SYNJ1: variants seen among roughly 807,000 people sequenced by gnomAD.
SYNJ1 encodes the protein synaptojanin 1.
In SYNJ1, 78 loss-of-function variants were observed where a neutral mutation model predicts 168.2. The ratio of observed to expected loss-of-function variants is 0.46; its 90% confidence interval spans 0.39 to 0.56. SYNJ1 has a LOEUF of 0.56. SYNJ1 is among the 20% of genes least tolerant of loss of function. The probability of loss-of-function intolerance (pLI) is 0.00; values close to 1 mark genes in which losing one functional copy is unlikely to be tolerated. For synonymous variants in SYNJ1, 539 were observed against 548.6 expected (o/e 0.98, Z 0.24); for missense variants, 1,303 against 1,597.6 (o/e 0.82, Z 3.14).
chr21:32,656,623 T>G, intron 21 of SYNJ1, 64 bp downstream of exon 21: 4 of 1,385,864 alleles, frequency 2.9e-6, no homozygotes, highest in Non-Finnish European at 2.9e-6. Flanking sequence ...CCAAATAAGG[T>G]GATTTCTATA....
At chr21:32,728,380 G>C (rs973411174), upstream of SYNJ1, 1 of 247,544 alleles carries the variant, frequency 4.0e-6, no homozygotes, top group Non-Finnish European at 7.9e-6. Flanking sequence ...CGCCCCCACG[G>C]GCCTGACGGG....
intron 2 of SYNJ1, among the ~76,000 whole-genome samples, chr21:32,724,694 C>T (rs754630757): frequency 1.3e-5 from 2 of 152,172 alleles, no homozygotes; most frequent in African/African-American, 4.8e-5. Flanking sequence ...CAGCACAATA[C>T]AAACCTTGGT....
chr21:32,695,369 T>A, intron 4 of SYNJ1, 87 bp from the exon 5 acceptor site: 1 of 1,218,082 alleles, frequency 8.2e-7, no homozygotes, highest in Non-Finnish European at 1.1e-6. Flanking sequence ...AAAATTAATT[T>A]AATATTATTA....
intron 17 of SYNJ1, 102 bp downstream of exon 17, chr21:32,665,841 C>T: frequency 1.7e-6 from 2 of 1,183,364 alleles, no homozygotes; most frequent in South Asian, 3.3e-5. Context: ...CTTAATGTTT[C>T]TAGGAACTAT....
rs753032623 is a variant in SYNJ1 at position 32,646,459 on chromosome 21, C to A, written c.3181G>T (p.Val1061Leu). 2 of 1,614,160 alleles carry A rather than the reference C, an allele frequency of 1.2e-6. No individual in the cohort carries two copies. The highest frequency in any genetic ancestry group is 1.7e-6 in the Non-Finnish European group (2 of 1,180,026). Reference protein sequence around the residue: ...CQSPTISEGPVPSLPIRPSRA... With the variant: ...CQSPTISEGPLPSLPIRPSRA... ...CTTGGTCTGATGGGAAGGGAAGGTA[C>A]AGGACCCTCTGATATTGTAGGTGAC... The change falls in exon 24 of 33, where the codon GTA (valine) becomes TTA (leucine). Residue 1061 changes from valine to leucine, a missense_variant. By Grantham distance (32) the Val-to-Leu change is conservative. Coordinates refer to ENST00000674351, the MANE Select transcript of SYNJ1 (RefSeq NM_203446.3).
chr21:32,724,006 T>G (rs2043349712), intron 2 of SYNJ1, among the ~76,000 whole-genome samples: 1 of 152,048 alleles, frequency 6.6e-6, no homozygotes, highest in Non-Finnish European at 1.5e-5. Context: ...AGCAGCACTC[T>G]AGCTGTCTTG....
chr21:32,630,911 T>C lies in SYNJ1; in HGVS notation c.*894A>G, dbSNP rs1479400974. On this transcript the variant is annotated 3_prime_UTR_variant, in exon 33 of 33. Coordinates refer to ENST00000674351, the MANE Select transcript of SYNJ1 (RefSeq NM_203446.3). ...ATATCAGTGCACTTACAATGACTTA[T>C]TGCACATAATGAAATACTAATGCCC... The C allele has an allele frequency of 3.1e-6, 4 of 1,304,034 alleles. No homozygotes were observed. Among genetic ancestry groups the C allele is most frequent in the South Asian group, 1.5e-5 (1 of 67,998 alleles). The allele number at this position is 1,304,034 out of a possible 1,614,324, so 80.8% of individuals were successfully genotyped here.
Position 32,631,643 on chromosome 21 carries a change from C to A in SYNJ1, c.*162G>T, listed in dbSNP as rs370232202. The A allele has an allele frequency of 2.2e-5, 35 of 1,614,046 alleles. No individual in the cohort carries two copies. The highest frequency in any genetic ancestry group is 2.9e-5 in the Non-Finnish European group (34 of 1,180,046). The stretch of plus-strand genomic sequence containing the variant: ...AAACATTACTTTGCGTTGCAGAAGG[C>A]AACTGAATCAACCTCTTTGGGTCTG... On this transcript the variant is annotated 3_prime_UTR_variant, in exon 33 of 33. Coordinates refer to ENST00000674351, the MANE Select transcript of SYNJ1 (RefSeq NM_203446.3).
chr21:32,708,441 T>C (rs1455881132), intron 2 of SYNJ1, among the ~76,000 whole-genome samples: 2 of 152,198 alleles, frequency 1.3e-5, no homozygotes, highest in African/African-American at 4.8e-5. Context: ...AACGAGATGC[T>C]AGGCAAAACA....
intron 14 of SYNJ1, among the ~76,000 whole-genome samples, chr21:32,672,542 G>T (rs1331714619): frequency 6.6e-6 from 1 of 152,036 alleles, no homozygotes; most frequent in Non-Finnish European, 1.5e-5. Context: ...GTTTCACCAT[G>T]TTGGCGAGGC....
intron 4 of SYNJ1, among the ~76,000 whole-genome samples, chr21:32,699,180 A>G (rs1289045201): frequency 6.6e-6 from 1 of 152,194 alleles, no homozygotes; most frequent in African/African-American, 2.4e-5. Context: ...AAAGCAAGCA[A>G]AAGTTTTATT....
intron 4 of SYNJ1, among the ~76,000 whole-genome samples, chr21:32,696,446 C>G (rs1412966889): frequency 6.6e-6 from 1 of 152,182 alleles, no homozygotes; most frequent in East Asian, 1.9e-4. Context: ...TTGGCCTTCT[C>G]ACCCTGATTA....
chr21:32,645,539 G>T, intron 25 of SYNJ1, 107 bp downstream of exon 25: 1 of 1,366,838 alleles, frequency 7.3e-7, no homozygotes, highest in African/African-American at 1.5e-5. Flanking sequence ...AATAATGATA[G>T]AAAAAACTGT....
Position 32,639,640 on chromosome 21 carries a change from C to T in SYNJ1, c.3697+31G>A, listed in dbSNP as rs763711728. ...CTCAAATTTCTGGGCTCAAGTGATCCTCCTGCCTCAGCCTCCCAAAGAGGA... is the reference window on the plus strand; with the variant it reads ...CTCAAATTTCTGGGCTCAAGTGATCTTCCTGCCTCAGCCTCCCAAAGAGGA... On this transcript the variant is annotated intron_variant, in intron 30 of 32. Transcript: ENST00000674351. 3.4e-5 allele frequency: 54 copies of T among 1,583,282 alleles called. 1 individual carries two copies. Among genetic ancestry groups the T allele is most frequent in the Non-Finnish European group, 4.6e-5 (53 of 1,153,514 alleles).
chr21:32,701,670 A>G (rs2042407093), intron 3 of SYNJ1, among the ~76,000 whole-genome samples: 1 of 152,154 alleles, frequency 6.6e-6, no homozygotes, highest in South Asian at 2.1e-4. Context: ...CTGAATCAAC[A>G]AAAAGGAGAA....
At chr21:32,665,117 C>A in intron 17 of SYNJ1, 46 bp from the exon 18 acceptor site, 2 of 1,540,966 alleles carry the variant, frequency 1.3e-6, no homozygotes, top group South Asian at 2.4e-5. Flanking sequence ...AATCAATGTT[C>A]AAAAATGTTT....
chr21:32,644,839 T>C, intron 26 of SYNJ1, 129 bp downstream of exon 26: 2 of 1,036,944 alleles, frequency 1.9e-6, no homozygotes, highest in Non-Finnish European at 2.8e-6. Context: ...TTATTAGTTT[T>C]ATTTGTGGAT....
At chr21:32,682,966 TACTC>T (rs1173508636) in intron 10 of SYNJ1, among the ~76,000 whole-genome samples, 5 of 152,136 alleles carry the variant, frequency 3.3e-5, no homozygotes, top group Non-Finnish European at 5.9e-5. Context: ...ATCAAAAACA[TACTC>T]AAAAAATCCA....
In SYNJ1 at chr21:32,696,933, T is replaced by A. The variant is rs531272998; in HGVS notation, c.480-1651A>T. ...TACACTGACTTAAACTTCCATACTT[T>A]ACTATTACCCACATTGATCTGAGGC... On this transcript the variant is annotated intron_variant, in intron 4 of 32. Coordinates refer to ENST00000674351, the MANE Select transcript of SYNJ1 (RefSeq NM_203446.3). 1.8e-4 allele frequency among the ~76,000 whole-genome samples: 27 copies of A among 152,346 alleles called. No individual in the cohort carries two copies. The South Asian group carries it at 1.9e-3, about 11-fold the overall frequency.
Sources: gnomAD v4.1 joint callset for allele counts (sites outside exome capture counted in the v4.1 genomes callset) on GRCh38, gnomAD v4.1.1 for gene constraint, MANE v1.5 for transcripts, NCBI Gene and HGNC (gene_info 2026-07-23, HGNC 2026-07-21) for gene names.